The following ARHGAP24 variants were observed in gnomAD, a reference collection of about 807,000 sequenced individuals.
ARHGAP24 encodes the protein Rho GTPase activating protein 24.
Under a neutral mutation model 76.4 loss-of-function variants are expected in ARHGAP24, and 50 were observed. That is an observed-to-expected ratio of 0.65 (90% CI 0.52 to 0.83). ARHGAP24 has a LOEUF of 0.83. Ranked by LOEUF, ARHGAP24 falls within the 40% of genes least tolerant of loss-of-function variation. The pLI is 0.00. For missense variants in ARHGAP24, 930 were observed against 914.2 expected, an observed-to-expected ratio of 1.02 and a Z score of -0.22; for synonymous variants, 345 against 323.3, an observed-to-expected ratio of 1.07 and a Z score of -0.72.
chr4:85,930,682 G>GAA (rs201198279), intron 4 of ARHGAP24: 55 of 1,110,486 alleles, frequency 5.0e-5, no homozygotes, highest in Middle Eastern at 3.7e-4. Context: ...TTAAAAAAAA[G>GAA]AAAAAAAAAA....
chr4:85,794,479 A>G (rs745943993), intron 3 of ARHGAP24, among the ~76,000 whole-genome samples: 4 of 152,070 alleles, frequency 2.6e-5, no homozygotes, highest in Non-Finnish European at 5.9e-5. Context: ...GTGTTACTGC[A>G]TATTCTTTTT....
chr4:85,831,024 G>A (rs1229059381), intron 3 of ARHGAP24, among the ~76,000 whole-genome samples: 1 of 152,142 alleles, frequency 6.6e-6, no homozygotes, highest in Admixed American at 6.5e-5. Flanking sequence ...CTTGGCCCCT[G>A]CCACAGGAGG....
chr4:85,516,032 A>T (rs1006820224), intron 1 of ARHGAP24, among the ~76,000 whole-genome samples: 2 of 152,110 alleles, frequency 1.3e-5, no homozygotes, highest in Non-Finnish European at 2.9e-5. Context: ...GAAAAAAAAA[A>T]TTCCCAGCCA....
intron 2 of ARHGAP24, among the ~76,000 whole-genome samples, chr4:85,580,408 G>A (rs868311407): frequency 2.0e-5 from 3 of 152,096 alleles, no homozygotes; most frequent in Middle Eastern, 3.4e-3. Context: ...AACCTATCTT[G>A]TCCTTTTTCT....
intron 2 of ARHGAP24, among the ~76,000 whole-genome samples, chr4:85,591,834 T>C (rs1197694170): frequency 1.3e-5 from 2 of 152,172 alleles, no homozygotes; most frequent in African/African-American, 4.8e-5. Flanking sequence ...ATGCTATGTA[T>C]GAAGCACTTA....
At chr4:85,537,698 C>T (rs779417549) in intron 1 of ARHGAP24, among the ~76,000 whole-genome samples, 5 of 152,126 alleles carry the variant, frequency 3.3e-5, no homozygotes, top group Non-Finnish European at 4.4e-5. Flanking sequence ...TTGCTACAAA[C>T]GGCAATGCTA....
At chr4:85,960,467 CAT>C (rs1289297717) in intron 5 of ARHGAP24, among the ~76,000 whole-genome samples, 1 of 152,046 alleles carries the variant, frequency 6.6e-6, no homozygotes, top group Admixed American at 6.6e-5. Context: ...AAGTAAAACA[CAT>C]AGAACTAGAA....
intron 2 of ARHGAP24, among the ~76,000 whole-genome samples, chr4:85,689,175 A>G (rs753990420): frequency 5.3e-5 from 8 of 152,182 alleles, no homozygotes; most frequent in Non-Finnish European, 8.8e-5. Flanking sequence ...CTTCCAATCC[A>G]TCAGCATGGT....
rs200978740 is a variant in ARHGAP24, at chr4:85,534,927, TAA to T, written c.-20-35579_-20-35578del. On this transcript the variant is annotated intron_variant, in intron 1 of 9. Transcript: ENST00000395184. Reference sequence around the variant, plus strand: ...GGGCTTCTGTTGACCATATTTACAGTAAAAAAAAAAAAAAAAAGAAAGAAAAC... The same window carrying T: ...GGGCTTCTGTTGACCATATTTACAGTAAAAAAAAAAAAAAAGAAAGAAAAC... 8.1e-3 allele frequency among the ~76,000 whole-genome samples: 812 copies of T among 99,854 alleles called. 8 individuals carry two copies. Among genetic ancestry groups the T allele is most frequent in the African/African-American group, 0.022 (711 of 31,868 alleles). The allele number at this position is 99,854 out of a possible 152,430, so 65.5% of individuals were successfully genotyped here.
intron 1 of ARHGAP24, among the ~76,000 whole-genome samples, chr4:85,530,428 G>C (rs1725211793): frequency 6.6e-6 from 1 of 151,906 alleles, no homozygotes; most frequent in African/African-American, 2.4e-5. Context: ...TCTTCCACTG[G>C]TTCAAAGGGG....
chr4:85,859,314 T>A (rs1375514201), intron 3 of ARHGAP24, among the ~76,000 whole-genome samples: 1 of 151,998 alleles, frequency 6.6e-6, no homozygotes, highest in Non-Finnish European at 1.5e-5. Context: ...AGTTTCTCAG[T>A]CATAAGCTAC....
At position 85,620,188 on chromosome 4, in the gene ARHGAP24, ACTT is replaced by A. The variant is rs1362069409; in HGVS notation, c.180+49470_180+49472del. On this transcript the variant is annotated intron_variant, in intron 2 of 9. Transcript: ENST00000395184. ...GGCCTCATAATATGAGTTTGGAAGTACTTCTCCTCTTCAGTTTTTCTGAAAGAG... is the reference window on the plus strand; with the variant it reads ...GGCCTCATAATATGAGTTTGGAAGTACTCCTCTTCAGTTTTTCTGAAAGAG... Among the ~76,000 whole-genome samples, 2 of 151,972 alleles carry A rather than the reference ACTT, an allele frequency of 1.3e-5. 1 individual carries two copies. The highest frequency in any genetic ancestry group is 1.3e-4 in the Admixed American group (2 of 15,228).
At chr4:85,978,828 C>T (rs1246330692) in intron 8 of ARHGAP24, among the ~76,000 whole-genome samples, 1 of 152,058 alleles carries the variant, frequency 6.6e-6, no homozygotes, top group Non-Finnish European at 1.5e-5. Context: ...GTGCCCTGAC[C>T]CAATCCCAGT....
chr4:85,705,743 A>C (rs1161115864), intron 2 of ARHGAP24, among the ~76,000 whole-genome samples: 1 of 152,202 alleles, frequency 6.6e-6, no homozygotes, highest in East Asian at 1.9e-4. Flanking sequence ...TAAAGTTTAT[A>C]TGTGAAAAAA....
intron 2 of ARHGAP24, among the ~76,000 whole-genome samples, chr4:85,703,957 G>T (rs1226512726): frequency 6.6e-6 from 1 of 151,990 alleles, no homozygotes; most frequent in African/African-American, 2.4e-5. Context: ...TCAGCCCCTG[G>T]CAATGACTGG....
intron 1 of ARHGAP24, 36 bp from the exon 2 acceptor site, chr4:85,570,486 C>T (rs1727095497): frequency 6.4e-7 from 1 of 1,556,616 alleles, no homozygotes; most frequent in African/African-American, 1.4e-5. Flanking sequence ...TAACAGAGCA[C>T]CTCATTATTT....
At chr4:85,684,302 C>T (rs997165196) in intron 2 of ARHGAP24, among the ~76,000 whole-genome samples, 2 of 152,072 alleles carry the variant, frequency 1.3e-5, no homozygotes, top group Admixed American at 6.6e-5. Context: ...TAATGCTCAT[C>T]CTAATGAATT....
chr4:85,572,550 T>A lies in ARHGAP24; in HGVS notation c.180+1829T>A, dbSNP rs566043454. On this transcript the variant is annotated intron_variant, in intron 2 of 9. Transcript: ENST00000395184. ...ATTAAAAAGTTGAAAATATATATTT[T>A]AAAATGTAAAAACTCCAGATTAATT... Among the ~76,000 whole-genome samples, 27 of 152,234 alleles carry A rather than the reference T, an allele frequency of 1.8e-4. 1 individual carries two copies. The South Asian group carries it at 5.0e-3, about 28-fold the overall frequency.
At chr4:85,912,840 A>G (rs1259722187) in intron 3 of ARHGAP24, among the ~76,000 whole-genome samples, 1 of 152,074 alleles carries the variant, frequency 6.6e-6, no homozygotes, top group African/African-American at 2.4e-5. Flanking sequence ...TGTAAAGAAA[A>G]CTGCTCAATG....
Sources: allele counts gnomAD v4.1 joint callset (sites outside exome capture counted in the v4.1 genomes callset), GRCh38; gene constraint gnomAD v4.1.1; transcripts MANE v1.5; gene names NCBI Gene and HGNC (gene_info 2026-07-23, HGNC 2026-07-21).